TMEM135: variants seen among roughly 807,000 people sequenced by gnomAD.
TMEM135 encodes the protein transmembrane protein 135.
In TMEM135, 30 loss-of-function variants were observed where a neutral mutation model predicts 60.3. The ratio of observed to expected loss-of-function variants is 0.50; its 90% CI spans 0.37 to 0.68. The LOEUF (loss-of-function observed/expected upper bound fraction) is 0.68. Ranked by LOEUF, TMEM135 falls within the 30% of genes least tolerant of loss-of-function variation. The pLI is 0.00. For synonymous variants in TMEM135, 190 were observed against 186.7 expected (o/e 1.02, Z -0.14); for missense variants, 468 against 548.8 (o/e 0.85, Z 1.47).
chr11:87,113,357 A>C (rs1857801589), intron 4 of TMEM135, among the ~76,000 whole-genome samples: 1 of 152,128 alleles, frequency 6.6e-6, no homozygotes, highest in South Asian at 2.1e-4. Context: ...GCACCTTGAC[A>C]ATGTAGGCCT....
chr11:87,291,682 A>G (rs1401968680), intron 6 of TMEM135, among the ~76,000 whole-genome samples: 1 of 151,816 alleles, frequency 6.6e-6, no homozygotes, highest in Non-Finnish European at 1.5e-5. Context: ...AGCTGGGATT[A>G]CAGGCATCTG....
chr11:87,149,835 A>T (rs1229065166), intron 4 of TMEM135, among the ~76,000 whole-genome samples: 2 of 152,210 alleles, frequency 1.3e-5, no homozygotes, highest in Non-Finnish European at 2.9e-5. Flanking sequence ...CTCTATTAAA[A>T]TTGTAAAGTA....
chr11:87,184,724 T>C (rs1262746311), intron 5 of TMEM135, among the ~76,000 whole-genome samples: 3 of 152,148 alleles, frequency 2.0e-5, no homozygotes, highest in African/African-American at 7.2e-5. Context: ...ACTTTTTGTA[T>C]TGAATGCCTG....
chr11:87,073,091 A>C (rs924077756), intron 3 of TMEM135, among the ~76,000 whole-genome samples: 4 of 152,152 alleles, frequency 2.6e-5, no homozygotes, highest in African/African-American at 9.7e-5. Context: ...GCTGGAGTGC[A>C]GTTGTGCGAT....
chr11:87,173,180 T>C (rs868029582), intron 5 of TMEM135, among the ~76,000 whole-genome samples: 2 of 152,200 alleles, frequency 1.3e-5, no homozygotes, highest in Non-Finnish European at 2.9e-5. Context: ...AAGTCTTTAA[T>C]AAGCAAAGTA....
Position 87,323,935 on chromosome 11 carries a change from A to G in TMEM135, c.*2602A>G. 1 of 453,786 alleles carries G rather than the reference A, an allele frequency of 2.2e-6. No individual in the cohort carries two copies. Among genetic ancestry groups the G allele is most frequent in the Non-Finnish European group, 4.4e-6 (1 of 226,746 alleles). 28.1% of individuals were successfully genotyped at this position (453,786 alleles called of 1,614,324 possible). A position where few individuals can be genotyped will look rare whatever the true frequency, so the allele number is the denominator to read the frequency against. ...TAAGCATAGTCATCACTCAGTTGAT[A>G]TCTAGTTTATTTTTTGCCTTCATTC... is the stretch of plus-strand genomic sequence containing the variant. On this transcript the variant is annotated 3_prime_UTR_variant, in exon 15 of 15. Transcript: ENST00000305494.
Position 87,326,236 on chromosome 11 carries a change from T to A in TMEM135, c.*4903T>A. On this transcript the variant is annotated 3_prime_UTR_variant, in exon 15 of 15. Coordinates refer to ENST00000305494, the MANE Select transcript of TMEM135 (RefSeq NM_022918.4). ...GCATAGAGGCCATAGGCATACAACA[T>A]GCTTTATCTGCCTTGCTTAGACTCA... 2.2e-6 allele frequency: 1 copy of A among 454,050 alleles called. No homozygotes were observed. 28.1% of individuals were successfully genotyped at this position (454,050 alleles called of 1,614,324 possible). A position where few individuals can be genotyped will look rare whatever the true frequency, so the allele number is the denominator to read the frequency against.
intron 3 of TMEM135, among the ~76,000 whole-genome samples, chr11:87,089,072 G>A (rs1857154007): frequency 6.6e-6 from 1 of 152,140 alleles, no homozygotes; most frequent in South Asian, 2.1e-4. Context: ...AGTATAAGGT[G>A]TATATGAAAC....
intron 4 of TMEM135, among the ~76,000 whole-genome samples, chr11:87,118,602 C>G (rs1591032478): frequency 6.6e-6 from 1 of 152,220 alleles, no homozygotes; most frequent in South Asian, 2.1e-4. Context: ...GTGCCTGCCA[C>G]CATGCCCAGC....
At chr11:87,050,552 C>T (rs1390532448) in intron 1 of TMEM135, among the ~76,000 whole-genome samples, 4 of 47,974 alleles carry the variant, frequency 8.3e-5, no homozygotes, top group Non-Finnish European at 6.5e-5. Flanking sequence ...CGCAAATAAA[C>T]TAGAAAATCT....
intron 14 of TMEM135, among the ~76,000 whole-genome samples, chr11:87,320,150 G>A (rs1338814247): frequency 6.6e-6 from 1 of 152,074 alleles, no homozygotes; most frequent in Non-Finnish European, 1.5e-5. Context: ...CAATATCCAT[G>A]TATACATAAA....
Position 87,170,116 on chromosome 11 carries a change from C to T in TMEM135, c.462+12710C>T, listed in dbSNP as rs181647766. ...GTTTATGCTTCACAAAGTTCTCATGCTGTGTTTTTCAGCTCCATCAGGTCA... is the reference window on the plus strand; with the variant it reads ...GTTTATGCTTCACAAAGTTCTCATGTTGTGTTTTTCAGCTCCATCAGGTCA... On this transcript the variant is annotated intron_variant, in intron 5 of 14. Transcript: ENST00000305494. Among the ~76,000 whole-genome samples, 93 of 152,112 alleles carry T rather than the reference C, an allele frequency of 6.1e-4. 1 individual carries two copies. Among genetic ancestry groups the T allele is most frequent in the African/African-American group, 2.1e-3 (87 of 41,476 alleles).
intron 5 of TMEM135, among the ~76,000 whole-genome samples, chr11:87,188,307 A>C (rs1025432397): frequency 6.6e-6 from 1 of 152,314 alleles, no homozygotes; most frequent in African/African-American, 2.4e-5. Context: ...GTCTGAAAAA[A>C]ATAAGAAGTT....
At position 87,323,491 on chromosome 11, in the gene TMEM135, G is replaced by A. The variant is rs1471037143; in HGVS notation, c.*2158G>A. On this transcript the variant is annotated 3_prime_UTR_variant, in exon 15 of 15. Coordinates refer to ENST00000305494, the MANE Select transcript of TMEM135 (RefSeq NM_022918.4). The stretch of plus-strand genomic sequence containing the variant: ...TCAGGTATTGATTGACAACTTTTTG[G>A]CATTATAAATAAAGTAAAATAGATC... 1 of 453,666 alleles carries A rather than the reference G, an allele frequency of 2.2e-6. No homozygotes were observed. The highest frequency in any genetic ancestry group is 4.4e-6 in the Non-Finnish European group (1 of 226,688). The allele number at this position is 453,666 out of a possible 1,614,324, so 28.1% of individuals were successfully genotyped here.
At chr11:87,200,181 T>C (rs1034485553) in intron 5 of TMEM135, among the ~76,000 whole-genome samples, 2 of 152,118 alleles carry the variant, frequency 1.3e-5, no homozygotes, top group African/African-American at 4.8e-5. Context: ...GGGATGATAG[T>C]TAACTTTTAA....
Position 87,259,205 on chromosome 11 carries a change from G to A in TMEM135, c.509+22521G>A, listed in dbSNP as rs137974107. 473 of 504,626 alleles carry A rather than the reference G, an allele frequency of 9.4e-4. 3 individuals are homozygous for A. In the East Asian group the frequency reaches 0.017, roughly 18 times the overall value. The allele number at this position is 504,626 out of a possible 1,614,324, so 31.3% of individuals were successfully genotyped here. A position where few individuals can be genotyped will look rare whatever the true frequency, so the allele number is the denominator to read the frequency against. On this transcript the variant is annotated intron_variant, in intron 6 of 14. Coordinates refer to ENST00000305494, the MANE Select transcript of TMEM135 (RefSeq NM_022918.4). Reference sequence around the variant, plus strand: ...CCAACTCCTCCTTAGTCTTCTCCACGTCGCCTTTTGGGAGCAATTCCTCCG... The same window carrying A: ...CCAACTCCTCCTTAGTCTTCTCCACATCGCCTTTTGGGAGCAATTCCTCCG...
At chr11:87,238,088 C>T (rs954612080) in intron 6 of TMEM135, among the ~76,000 whole-genome samples, 1 of 151,826 alleles carries the variant, frequency 6.6e-6, no homozygotes, top group Non-Finnish European at 1.5e-5. Context: ...TAGCCTGCTT[C>T]CAAATTTTGC....
At chr11:87,300,627 G>C (rs1942428017) in intron 7 of TMEM135, among the ~76,000 whole-genome samples, 1 of 152,152 alleles carries the variant, frequency 6.6e-6, no homozygotes, top group African/African-American at 2.4e-5. Context: ...GATATGCTCA[G>C]AAAATTCTAG....
chr11:87,168,073 C>T (rs1939115250), intron 5 of TMEM135, among the ~76,000 whole-genome samples: 1 of 152,150 alleles, frequency 6.6e-6, no homozygotes, highest in Non-Finnish European at 1.5e-5. Flanking sequence ...TCCATTTCTT[C>T]TAGATTTTCT....
Sources: gnomAD v4.1 joint callset for allele counts (sites outside exome capture counted in the v4.1 genomes callset) on GRCh38, gnomAD v4.1.1 for gene constraint, MANE v1.5 for transcripts, NCBI Gene and HGNC (gene_info 2026-07-23, HGNC 2026-07-21) for gene names.